Variants in INTS7 observed in about 807,000 individuals in gnomAD.
The protein encoded by INTS7 is integrator complex subunit 7.
Under a neutral mutation model 109.2 loss-of-function variants are expected in INTS7, and 46 were observed. The observed-to-expected ratio is 0.42, with a 90% CI of 0.33 to 0.54. INTS7 has a LOEUF of 0.54. Among genes scored for constraint, INTS7 ranks in the 20% least tolerant of loss-of-function variants. The pLI is 0.07. For missense variants in INTS7, 929 were observed against 1,132.4 expected (o/e 0.82, Z 2.58); for synonymous variants, 412 against 402.9 (o/e 1.02, Z -0.27).
intron 8 of INTS7, among the ~76,000 whole-genome samples, chr1:211,983,911 G>A (rs568330214): frequency 5.3e-5 from 8 of 151,592 alleles, no homozygotes; most frequent in Non-Finnish European, 1.0e-4. Flanking sequence ...GCAGTGGTGC[G>A]ATCATGGCCT....
chr1:212,001,201 G>A (rs1269916264), intron 7 of INTS7, among the ~76,000 whole-genome samples: 1 of 151,858 alleles, frequency 6.6e-6, no homozygotes. Flanking sequence ...CAAAGTAGCT[G>A]GGATTACAGG....
intron 16 of INTS7, among the ~76,000 whole-genome samples, chr1:211,953,004 T>C (rs1280748707): frequency 6.6e-6 from 1 of 152,098 alleles, no homozygotes; most frequent in Non-Finnish European, 1.5e-5. Flanking sequence ...TAAACACATC[T>C]GAAAAGGGGA....
intron 7 of INTS7, among the ~76,000 whole-genome samples, chr1:211,995,303 C>T (rs112164085): frequency 3.3e-5 from 5 of 152,210 alleles, no homozygotes; most frequent in African/African-American, 7.2e-5. Context: ...ACTTGTTATA[C>T]CAATAAATGT....
rs776489152 is a variant in INTS7, at chr1:211,976,678, T to C, written c.1512A>G (p.Ala504=). ...ATVIFVASQK[A]LSVESKAVIK... is the part of the protein sequence containing the mutation. ...TTACTGCCTTACTTTCCACAGACAA[T>C]GCCTTCTGACTTGCAACAAAAATCA... The change falls in exon 12 of 20, where the codon GCA becomes GCG. Residue 504 remains alanine (A), a synonymous_variant. Transcript: ENST00000366994. 7.5e-5 allele frequency: 121 copies of C among 1,613,892 alleles called. 1 individual carries two copies. The South Asian group carries it at 1.1e-3, about 15-fold the overall frequency.
intron 15 of INTS7, 141 bp downstream of exon 15, chr1:211,967,736 TA>T: frequency 1.8e-6 from 1 of 561,782 alleles, no homozygotes; most frequent in South Asian, 2.4e-5. Flanking sequence ...TTATTCTGCT[TA>T]TATATTTTAA....
intron 7 of INTS7, among the ~76,000 whole-genome samples, chr1:212,002,365 A>T (rs761791200): frequency 6.6e-6 from 1 of 152,236 alleles, no homozygotes; most frequent in Non-Finnish European, 1.5e-5. Context: ...AGCCAGAGAT[A>T]ATCTTTTAGA....
chr1:211,992,116 CGTTGTTCACTTTTT>C (rs1665174028), intron 7 of INTS7, among the ~76,000 whole-genome samples: 1 of 151,992 alleles, frequency 6.6e-6, no homozygotes, highest in African/African-American at 2.4e-5. Context: ...AGGCCATTTC[CGTTGTTCACTTTTT>C]GTTACCTAAA....
intron 17 of INTS7, among the ~76,000 whole-genome samples, chr1:211,951,628 A>T (rs1663096542): frequency 6.6e-6 from 1 of 152,130 alleles, no homozygotes; most frequent in Non-Finnish European, 1.5e-5. Flanking sequence ...CTTAAAGAAG[A>T]GGAAGAGTGA....
intron 7 of INTS7, among the ~76,000 whole-genome samples, chr1:211,997,529 A>G (rs902634970): frequency 1.6e-5 from 1 of 61,164 alleles, no homozygotes; most frequent in Non-Finnish European, 4.6e-5. Context: ...CTCCAAACAG[A>G]AAAAAAAAAA....
chr1:211,990,721 C>G (rs148105768), intron 7 of INTS7, among the ~76,000 whole-genome samples: 12 of 152,106 alleles, frequency 7.9e-5, no homozygotes, highest in Admixed American at 4.6e-4. Flanking sequence ...GGCAATTAGG[C>G]CAGAATATGG....
rs747144272 is a variant in INTS7, at chr1:211,944,948, G to A, written c.2437C>T (p.Arg813Trp). ...ACAGCAATGGGCTCTGCAGGATTCC[G>A]GGGCGATGGTGACAGAGCAAGCTGG... ...SIKLALSPSP[R>W]NPAEPIAVQN... Residue 813 changes from arginine (R) to tryptophan (W), a missense_variant, in exon 19 of 20, where the codon CGG becomes TGG. Coordinates refer to ENST00000366994, the MANE Select transcript of INTS7 (RefSeq NM_015434.4). The A allele has an allele frequency of 1.2e-5, 20 of 1,613,804 alleles. 1 individual carries two copies. Among genetic ancestry groups the A allele is most frequent in the South Asian group, 7.7e-5 (7 of 91,030 alleles).
rs779710285 is a variant in INTS7, at chr1:211,978,493, C to T, written c.1249G>A (p.Val417Met). ...TGGGGCCTGCCCTTGGCCAACTTCA[C>T]CATACAGTTTAGAGCAATCTGCACG... ...ATLKIALNCM[V>M]KLAKGRPHLS... Residue 417 changes from valine to methionine, a missense_variant, in exon 11 of 20, where the codon GTG becomes ATG. By Grantham distance (21) the Val-to-Met change is conservative. Around this residue, in one of 2 missense-constraint regions of INTS7, gnomAD observed 787 missense variants for 901.1 expected, o/e 0.87. Coordinates refer to ENST00000366994, the MANE Select transcript of INTS7 (RefSeq NM_015434.4). The T allele has an allele frequency of 2.4e-5, 39 of 1,614,016 alleles. No individual in the cohort carries two copies. In the African/African-American group the frequency reaches 3.6e-4, roughly 15 times the overall value.
chr1:212,024,312 A>G (rs966718149), intron 1 of INTS7, among the ~76,000 whole-genome samples: 9 of 152,090 alleles, frequency 5.9e-5, no homozygotes, highest in African/African-American at 2.2e-4. Context: ...GGCCATTTTA[A>G]TGATATTGAT....
intron 4 of INTS7, among the ~76,000 whole-genome samples, chr1:212,012,854 AT>A (rs1292159503): frequency 6.6e-6 from 1 of 152,222 alleles, no homozygotes; most frequent in African/African-American, 2.4e-5. Flanking sequence ...CATATATAAA[AT>A]TTAATCACTA....
intron 14 of INTS7, among the ~76,000 whole-genome samples, chr1:211,968,269 T>G (rs1011097198): frequency 6.6e-6 from 1 of 152,198 alleles, no homozygotes; most frequent in Admixed American, 6.5e-5. Flanking sequence ...ATAAACATTC[T>G]CAAGTTTTTA....
rs147473106 is a variant in INTS7, at chr1:212,019,812, G to A, written c.371+310C>T. Among the ~76,000 whole-genome samples the A allele has an allele frequency of 2.9e-3, 440 of 152,274 alleles. 4 individuals are homozygous for A. Among genetic ancestry groups the A allele is most frequent in the African/African-American group, 9.9e-3 (411 of 41,562 alleles). On this transcript the variant is annotated intron_variant, in intron 3 of 19. Transcript: ENST00000366994. ...ACATTAAGTACAAGGGCAGGAACAC[G>A]AAGTTCAAAATGTGCTGAGGCTAAG...
chr1:212,012,019 TC>T (rs1666185634), intron 4 of INTS7, among the ~76,000 whole-genome samples: 1 of 152,214 alleles, frequency 6.6e-6, no homozygotes, highest in African/African-American at 2.4e-5. Flanking sequence ...TTTCAGATTA[TC>T]CCCTCTCCTT....
chr1:211,968,441 A>T, intron 14 of INTS7, 72 bp downstream of exon 14: 2 of 1,286,402 alleles, frequency 1.6e-6, no homozygotes, highest in Non-Finnish European at 2.2e-6. Flanking sequence ...TTTATATTTT[A>T]CAACTTTTCA....
chr1:211,980,082 A>G (rs1055715499), intron 10 of INTS7, among the ~76,000 whole-genome samples: 3 of 152,186 alleles, frequency 2.0e-5, no homozygotes, highest in African/African-American at 7.2e-5. Flanking sequence ...GTTGGAAAAA[A>G]GATTTGCTTT....
Sources: allele counts gnomAD v4.1 joint callset (sites outside exome capture counted in the v4.1 genomes callset), GRCh38; gene constraint gnomAD v4.1.1; regional missense constraint gnomAD v4.1.1; transcripts MANE v1.5; gene names NCBI Gene and HGNC (gene_info 2026-07-23, HGNC 2026-07-21).